The following NXPE2 variants were observed in gnomAD, a reference collection of about 807,000 sequenced individuals.
NXPE2 encodes the protein neurexophilin and PC-esterase domain family member 2, also known as NXPE family member 2.
In NXPE2, 34 loss-of-function variants were observed where a neutral mutation model predicts 34.4. That is an observed-to-expected ratio of 0.99 (90% confidence interval 0.75 to 1.31). NXPE2 has a LOEUF of 1.31. NXPE2 is among the 40% of genes most tolerant of loss of function. The pLI is 0.00. For synonymous variants in NXPE2, 235 were observed against 231.3 expected (o/e 1.02, Z -0.15); for missense variants, 649 against 672.5 (o/e 0.97, Z 0.39).
chr11:114,684,244 G>A (rs1031803985), intron 2 of NXPE2, among the ~76,000 whole-genome samples: 16 of 151,968 alleles, frequency 1.1e-4, no homozygotes, highest in African/African-American at 3.1e-4. Flanking sequence ...TGGCTAACAC[G>A]GTGAAACCCC....
the NXPE2 span, among the ~76,000 whole-genome samples, chr11:114,470,621 GTGTA>G: frequency 2.1e-5 from 3 of 143,280 alleles, no homozygotes; most frequent in East Asian, 2.0e-4. Context: ...GTGTGTGTGT[GTGTA>G]TACAGAGAGG....
chr11:114,569,535 C>T, the NXPE2 span, among the ~76,000 whole-genome samples: 4 of 152,170 alleles, frequency 2.6e-5, no homozygotes, highest in Non-Finnish European at 5.9e-5. Flanking sequence ...AACTGGTACT[C>T]TGCCCCATGG....
chr11:114,750,104 C>T, the NXPE2 span, among the ~76,000 whole-genome samples: 1 of 152,230 alleles, frequency 6.6e-6, no homozygotes, highest in Non-Finnish European at 1.5e-5. Context: ...ATGCCCTCCA[C>T]TGCACTACTG....
At chr11:114,764,443 G>A in the NXPE2 span, among the ~76,000 whole-genome samples, 1 of 141,886 alleles carries the variant, frequency 7.0e-6, no homozygotes, top group African/African-American at 2.6e-5. Flanking sequence ...AAAAAAAAAG[G>A]AAAGAGAGGC....
the NXPE2 span, among the ~76,000 whole-genome samples, chr11:114,630,344 A>G: frequency 1.3e-5 from 2 of 151,830 alleles, 1 homozygote; most frequent in Non-Finnish European, 2.9e-5. Flanking sequence ...AATGGAACAG[A>G]ACATAGCCCT....
At chr11:114,619,256 G>T in the NXPE2 span, among the ~76,000 whole-genome samples, 2 of 152,080 alleles carry the variant, frequency 1.3e-5, no homozygotes, top group Non-Finnish European at 2.9e-5. Context: ...TGCCTCTTGA[G>T]TAATCAATGG....
At chr11:114,650,141 G>A in the NXPE2 span, among the ~76,000 whole-genome samples, 2 of 152,108 alleles carry the variant, frequency 1.3e-5, no homozygotes. Context: ...CAAGTAGCAA[G>A]AAGACCAAAT....
the NXPE2 span, among the ~76,000 whole-genome samples, chr11:114,481,659 G>A: frequency 2.6e-4 from 39 of 152,212 alleles, no homozygotes; most frequent in South Asian, 5.6e-3. Context: ...AAACCTTTGG[G>A]AAGTAGTAAA....
the NXPE2 span, among the ~76,000 whole-genome samples, chr11:114,784,756 G>A: frequency 6.6e-6 from 1 of 152,156 alleles, no homozygotes. Context: ...ATTCCTCTGA[G>A]GCAAAGAGAT....
chr11:114,592,543 A>C, the NXPE2 span, among the ~76,000 whole-genome samples: 1 of 152,042 alleles, frequency 6.6e-6, no homozygotes, highest in Non-Finnish European at 1.5e-5. Flanking sequence ...ACACACACAC[A>C]CACAAAATAG....
chr11:114,732,522 C>A, the NXPE2 span, among the ~76,000 whole-genome samples: 21 of 152,354 alleles, frequency 1.4e-4, no homozygotes, highest in African/African-American at 5.0e-4. Flanking sequence ...GAAACCCAAC[C>A]TGTGACACTG....
the NXPE2 span, among the ~76,000 whole-genome samples, chr11:114,806,473 A>G: frequency 6.6e-6 from 1 of 152,178 alleles, no homozygotes; most frequent in East Asian, 1.9e-4. Flanking sequence ...ATGGATAACT[A>G]GAATAATCAA....
At chr11:114,793,036 T>C in the NXPE2 span, among the ~76,000 whole-genome samples, 2 of 152,312 alleles carry the variant, frequency 1.3e-5, no homozygotes, top group African/African-American at 4.8e-5. Flanking sequence ...CACCTCTTTA[T>C]GTTGAGCTGA....
At chr11:114,561,941 C>G in the NXPE2 span, among the ~76,000 whole-genome samples, 1 of 152,066 alleles carries the variant, frequency 6.6e-6, no homozygotes, top group South Asian at 2.1e-4. Context: ...TAGTGTGTCC[C>G]TCAAGTTTTT....
the NXPE2 span, among the ~76,000 whole-genome samples, chr11:114,655,447 T>C: frequency 1.3e-5 from 2 of 152,220 alleles, no homozygotes; most frequent in Non-Finnish European, 2.9e-5. Flanking sequence ...CTAGGGTTTT[T>C]ATGGTTTGAG....
At chr11:114,532,027 G>A in the NXPE2 span, among the ~76,000 whole-genome samples, 4 of 152,240 alleles carry the variant, frequency 2.6e-5, no homozygotes, top group Admixed American at 1.3e-4. Context: ...AGCAATCTTA[G>A]GATCAGATAG....
the NXPE2 span, among the ~76,000 whole-genome samples, chr11:114,751,088 C>T: frequency 6.6e-6 from 1 of 152,114 alleles, no homozygotes; most frequent in East Asian, 1.9e-4. Flanking sequence ...AATGACCACT[C>T]CCTAGTTGCT....
the NXPE2 span, among the ~76,000 whole-genome samples, chr11:114,620,167 G>GATCTACCATGAGGTAGATGATA: frequency 6.6e-6 from 1 of 151,746 alleles, no homozygotes; most frequent in Non-Finnish European, 1.5e-5. Flanking sequence ...GATAAATATT[G>GATCTACCATGAGGTAGATGATA]CCTCATGGGT....
chr11:114,783,651 G>A, the NXPE2 span, among the ~76,000 whole-genome samples: 1 of 152,132 alleles, frequency 6.6e-6, no homozygotes, highest in Admixed American at 6.5e-5. Flanking sequence ...GAGATTAATG[G>A]TTTGTTTTTC....
Sources: allele counts gnomAD v4.1 joint callset (sites outside exome capture counted in the v4.1 genomes callset), GRCh38; gene constraint gnomAD v4.1.1; transcripts MANE v1.5; gene names NCBI Gene and HGNC (gene_info 2026-07-23, HGNC 2026-07-21).